The following SLC24A4 variants were observed in gnomAD, a reference collection of about 807,000 sequenced individuals.
SLC24A4 encodes the protein solute carrier family 24 member 4.
In SLC24A4, 53 loss-of-function variants were observed where a neutral mutation model predicts 79.0. The observed-to-expected ratio is 0.67, with a 90% CI of 0.54 to 0.84. SLC24A4 has a LOEUF of 0.84. SLC24A4 is among the 40% of genes least tolerant of loss of function. The probability of loss-of-function intolerance (pLI) is 0.00; values close to 1 mark genes in which losing one functional copy is unlikely to be tolerated. For missense variants in SLC24A4, 731 were observed against 822.0 expected (o/e 0.89, Z 1.35); for synonymous variants, 323 against 323.8 (o/e 1.00, Z 0.03).
chr14:92,464,458 GA>G (rs1893981718), intron 12 of SLC24A4, among the ~76,000 whole-genome samples: 2 of 152,076 alleles, frequency 1.3e-5, no homozygotes, highest in Admixed American at 1.3e-4. Flanking sequence ...TGCCAGCAAC[GA>G]AAGCCCACCC....
At position 92,433,996 on chromosome 14, in the gene SLC24A4, G is replaced by C. The variant is rs376764844; in HGVS notation, c.318+8G>C. 2 of 1,612,992 alleles carry C rather than the reference G, an allele frequency of 1.2e-6. No homozygotes were observed. The highest frequency in any genetic ancestry group is 2.2e-5 in the South Asian group (2 of 91,062). ...CTGCTGCACATCCTTGGTGTAAGTCGTCCTCCCAGAGTGGTCACAAAACTT... is the reference window on the plus strand; with the variant it reads ...CTGCTGCACATCCTTGGTGTAAGTCCTCCTCCCAGAGTGGTCACAAAACTT... On this transcript the variant is annotated splice_region_variant and intron_variant, in intron 3 of 16. Transcript: ENST00000532405.
chr14:92,330,161 C>CG (rs397940164), intron 2 of SLC24A4, among the ~76,000 whole-genome samples: 5 of 151,626 alleles, frequency 3.3e-5, no homozygotes, highest in Non-Finnish European at 7.4e-5. Context: ...TCAGGCCCCC[C>CG]AATCAGAATT....
At chr14:92,330,758 C>T (rs907778465) in intron 2 of SLC24A4, among the ~76,000 whole-genome samples, 6 of 152,316 alleles carry the variant, frequency 3.9e-5, no homozygotes, top group Non-Finnish European at 8.8e-5. Flanking sequence ...CACAGTCTCT[C>T]TTTCTCCTCT....
intron 7 of SLC24A4, among the ~76,000 whole-genome samples, chr14:92,444,570 G>T (rs373458215): frequency 9.8e-5 from 15 of 152,314 alleles, no homozygotes; most frequent in African/African-American, 3.1e-4. Context: ...AAAATGAAGT[G>T]AAGGCTGGGC....
chr14:92,339,867 A>G (rs12435365), intron 2 of SLC24A4, among the ~76,000 whole-genome samples: 7,824 of 152,278 alleles, frequency 0.051, 279 homozygotes, highest in Middle Eastern at 0.12. Context: ...GGCAAAAGAG[A>G]ATGAAGATAG....
At chr14:92,326,756 G>A (rs1885167099) in intron 2 of SLC24A4, among the ~76,000 whole-genome samples, 1 of 152,180 alleles carries the variant, frequency 6.6e-6, no homozygotes, top group Non-Finnish European at 1.5e-5. Flanking sequence ...CTGGGGGGAT[G>A]ATACATTCAC....
intron 2 of SLC24A4, among the ~76,000 whole-genome samples, chr14:92,428,822 T>G (rs1891706580): frequency 6.6e-6 from 1 of 152,168 alleles, no homozygotes; most frequent in African/African-American, 2.4e-5. Context: ...AGTAAGGAGA[T>G]GGGAGGCCAA....
chr14:92,404,998 A>G (rs4243696), intron 2 of SLC24A4, among the ~76,000 whole-genome samples: 48,421 of 152,164 alleles, frequency 0.32, 7,930 homozygotes, highest in Non-Finnish European at 0.35. Flanking sequence ...ATTTTAAAAA[A>G]ATACTATTCC....
At chr14:92,378,385 C>T (rs1187637912) in intron 2 of SLC24A4, among the ~76,000 whole-genome samples, 1 of 152,164 alleles carries the variant, frequency 6.6e-6, no homozygotes, top group African/African-American at 2.4e-5. Flanking sequence ...GACCACTTTA[C>T]ACTCCCACCA....
intron 2 of SLC24A4, among the ~76,000 whole-genome samples, chr14:92,400,437 C>CAAAA (rs35343108): frequency 1.2e-3 from 96 of 79,466 alleles, no homozygotes; most frequent in African/African-American, 4.2e-3. Context: ...GACTCCATCT[C>CAAAA]AAAAAAAAAA....
Position 92,353,758 on chromosome 14 carries a change from T to G in SLC24A4, c.241+27780T>G, listed in dbSNP as rs1887013542. On this transcript the variant is annotated intron_variant, in intron 2 of 16. Transcript: ENST00000532405. This position sits in a 1 kb window ranked among gnomAD's most constrained non-coding sequence, Gnocchi z 4.1. ...GGCTGTGTTGTCAGAAAAGGGATTGTCGTGGTCAGGTTCCCCAGAGATAAA... is the reference window on the plus strand; with the variant it reads ...GGCTGTGTTGTCAGAAAAGGGATTGGCGTGGTCAGGTTCCCCAGAGATAAA... 6.6e-6 allele frequency among the ~76,000 whole-genome samples: 1 copy of G among 152,198 alleles called. No individual in the cohort carries two copies. Among genetic ancestry groups the G allele is most frequent in the Non-Finnish European group, 1.5e-5 (1 of 68,032 alleles).
At chr14:92,338,895 C>T (rs535211797) in intron 2 of SLC24A4, among the ~76,000 whole-genome samples, 5 of 152,258 alleles carry the variant, frequency 3.3e-5, no homozygotes, top group Admixed American at 1.3e-4. Flanking sequence ...TCCTCTTTGT[C>T]GTTGGCTTGG....
chr14:92,489,687 T>G (rs1409569082), intron 14 of SLC24A4, among the ~76,000 whole-genome samples: 1 of 151,968 alleles, frequency 6.6e-6, no homozygotes, highest in Non-Finnish European at 1.5e-5. Context: ...GACCCCCAGG[T>G]GATTCCTGTT....
At chr14:92,454,106 T>C (rs771096951) in intron 11 of SLC24A4, 37 bp downstream of exon 11, 1 of 1,595,626 alleles carries the variant, frequency 6.3e-7, no homozygotes, top group Non-Finnish European at 8.5e-7. Flanking sequence ...GTGAGCAGCC[T>C]TGGATGCAGG....
chr14:92,446,027 T>A (rs565182811), intron 8 of SLC24A4, among the ~76,000 whole-genome samples: 1 of 152,146 alleles, frequency 6.6e-6, no homozygotes, highest in Non-Finnish European at 1.5e-5. Context: ...TGAGACCCCG[T>A]CCCCCAAAAC....
intron 2 of SLC24A4, among the ~76,000 whole-genome samples, chr14:92,431,954 C>T (rs775662354): frequency 6.6e-6 from 1 of 152,178 alleles, no homozygotes; most frequent in Non-Finnish European, 1.5e-5. Flanking sequence ...TGAGTGCTGG[C>T]GTAGATGCCT....
chr14:92,465,725 TGCCTCCCCTAGGAAG>T (rs1001004594), intron 12 of SLC24A4, among the ~76,000 whole-genome samples: 1 of 152,092 alleles, frequency 6.6e-6, no homozygotes, highest in Non-Finnish European at 1.5e-5. Flanking sequence ...AAGCCAAGGC[TGCCTCCCCTAGGAAG>T]GCCCCCTCCC....
chr14:92,494,611 C>T lies in SLC24A4; in HGVS notation c.*983C>T, dbSNP rs1216206966. The T allele has an allele frequency of 6.6e-6, 1 of 152,198 alleles. No homozygotes were observed. Among genetic ancestry groups the T allele is most frequent in the Admixed American group, 6.5e-5 (1 of 15,268 alleles). 9.4% of individuals were successfully genotyped at this position (152,198 alleles called of 1,614,324 possible). On this transcript the variant is annotated 3_prime_UTR_variant, in exon 17 of 17. Coordinates refer to ENST00000532405, the MANE Select transcript of SLC24A4 (RefSeq NM_153646.4). This position sits in a 1 kb window ranked among gnomAD's most constrained non-coding sequence, Gnocchi z 4.6. ...TTGGTTAATGCTCTAGTTTCAAAAC[C>T]ACCCTGTTGAAAGTTCCAGTTATTT...
intron 2 of SLC24A4, among the ~76,000 whole-genome samples, chr14:92,361,692 A>C (rs886361705): frequency 2.6e-5 from 4 of 152,156 alleles, no homozygotes; most frequent in African/African-American, 9.7e-5. Flanking sequence ...AAGCAGGGTG[A>C]TAATTACAGA....
Sources: allele counts gnomAD v4.1 joint callset (sites outside exome capture counted in the v4.1 genomes callset), GRCh38; gene constraint gnomAD v4.1.1; non-coding constraint Gnocchi (gnomAD v3.1); transcripts MANE v1.5; gene names NCBI Gene and HGNC (gene_info 2026-07-23, HGNC 2026-07-21).